Variants in MMEL1 observed in about 807,000 individuals in gnomAD.
MMEL1 encodes the protein membrane metallo-endopeptidase-like 1.
A neutral mutation model predicts 117.1 loss-of-function variants in MMEL1; 98 were observed. The ratio of observed to expected loss-of-function variants is 0.84; its 90% CI spans 0.71 to 0.99. MMEL1 has a LOEUF of 0.99. Among genes scored for constraint, MMEL1 ranks in the 50% least tolerant of loss-of-function variants. The probability of loss-of-function intolerance (pLI) is 0.00; values close to 1 mark genes in which losing one functional copy is unlikely to be tolerated. For synonymous variants in MMEL1, 390 were observed against 415.1 expected (o/e 0.94, Z 0.74); for missense variants, 1,014 against 1,049.1 (o/e 0.97, Z 0.46).
chr1:2,591,679 G>GTGGGGGGC, intron 22 of MMEL1, 46 bp from the exon 23 acceptor site: 1 of 852,386 alleles, frequency 1.2e-6, no homozygotes, highest in African/African-American at 1.7e-5. Flanking sequence ...TGGTGGGGTG[G>GTGGGGGGC]CCAGGAGGGG....
Position 2,598,215 on chromosome 1 carries a change from A to C in MMEL1, c.1264T>G (p.Tyr422Asp). The change falls in exon 13 of 24, where the codon TAC (tyrosine) becomes GAC (aspartate). Residue 422 changes from tyrosine to aspartate, a missense_variant. Transcript: ENST00000378412. ...GCAGGGAAGGGGCTCACCTTGCGGT[A>C]GTTCACTCGTGTGTCCTTGAATCTC... Reference protein sequence around the residue: ...SQRFKDTRVNYRKALFGTMVE... With the variant: ...SQRFKDTRVNDRKALFGTMVE... The C allele has an allele frequency of 6.2e-7, 1 of 1,613,894 alleles. No individual in the cohort carries two copies. The highest frequency in any genetic ancestry group is 8.5e-7 in the Non-Finnish European group (1 of 1,179,878).
chr1:2,592,114 T>G, intron 21 of MMEL1, 87 bp from the exon 22 acceptor site: 1 of 1,120,596 alleles, frequency 8.9e-7, no homozygotes, highest in Non-Finnish European at 1.3e-6. Flanking sequence ...GAGGTCTGGC[T>G]CCAGGACCTA....
At chr1:2,593,000 C>T in intron 19 of MMEL1, 34 bp from the exon 20 acceptor site, 1 of 1,608,224 alleles carries the variant, frequency 6.2e-7, no homozygotes. Flanking sequence ...GCCCACATGC[C>T]CCTGGCTGCA....
chr1:2,618,450 G>A (rs1235642121), intron 2 of MMEL1, among the ~76,000 whole-genome samples: 1 of 152,140 alleles, frequency 6.6e-6, no homozygotes, highest in African/African-American at 2.4e-5. Flanking sequence ...AACACAAATG[G>A]ACTAAAACAA....
chr1:2,629,514 G>T lies in MMEL1; in HGVS notation c.-30C>A. The T allele has an allele frequency of 6.9e-7, 1 of 1,441,562 alleles. No individual in the cohort carries two copies. Among genetic ancestry groups the T allele is most frequent in the Non-Finnish European group, 9.1e-7 (1 of 1,094,992 alleles). 89.3% of individuals were successfully genotyped at this position (1,441,562 alleles called of 1,614,324 possible). On this transcript the variant is annotated 5_prime_UTR_variant, in exon 2 of 24. Transcript: ENST00000378412. ...AGGGCTCTGGACGGGAGAGCACCGC[G>T]GAGGAACCTGCAGGCCCAGGGCAGG...
Position 2,593,887 on chromosome 1 carries a change from C to G in MMEL1, c.1794G>C (p.Gln598His), listed in dbSNP as rs1644786784. Residue 598 changes from glutamine (Q) to histidine (H), a missense_variant, in exon 19 of 24, where the codon CAG (glutamine) becomes CAC (histidine). Coordinates refer to ENST00000378412, the MANE Select transcript of MMEL1 (RefSeq NM_033467.4). ...ILQPPFFSKE[Q>H]PQALNFGGIG... ...TGCCTCCAAAGTTCAAGGCCTGTGG[C>G]TGCTCCTTGCTGAAGAAGGGGGGCT... 1 of 1,612,250 alleles carries G rather than the reference C, an allele frequency of 6.2e-7. No homozygotes were observed. The highest frequency in any genetic ancestry group is 8.5e-7 in the Non-Finnish European group (1 of 1,179,182).
intron 2 of MMEL1, among the ~76,000 whole-genome samples, chr1:2,624,553 C>T (rs1352686861): frequency 2.0e-5 from 3 of 152,222 alleles, no homozygotes; most frequent in African/African-American, 7.2e-5. Context: ...AAACACTATT[C>T]ATGAGGCTCC....
At chr1:2,603,997 C>T (rs373659220) in intron 10 of MMEL1, 24 bp from the exon 11 acceptor site, 93 of 1,611,836 alleles carry the variant, frequency 5.8e-5, no homozygotes, top group Non-Finnish European at 6.6e-5. Context: ...AGCAGTCACA[C>T]GGGCGGGTGG....
chr1:2,606,256 T>C lies in MMEL1; in HGVS notation c.742A>G (p.Ile248Val). 6.2e-7 allele frequency: 1 copy of C among 1,613,232 alleles called. No individual in the cohort carries two copies. Among genetic ancestry groups the C allele is most frequent in the Non-Finnish European group, 8.5e-7 (1 of 1,179,786 alleles). ...WNDDQNSSRH[I>V]IYIDQPTLGM... The stretch of plus-strand genomic sequence containing the variant: ...ACCGGCGCGGCTCGTACGTAGATGA[T>C]GTGCCGGCTGGAGTTCTGGTCGTCG... The change falls in exon 8 of 24, where the codon ATC becomes GTC. Residue 248 changes from isoleucine (I) to valine (V), a missense_variant. Physicochemically the swap from Ile to Val is conservative, Grantham distance 29 (BLOSUM62 3). Transcript: ENST00000378412.
intron 13 of MMEL1, 68 bp from the exon 14 acceptor site, chr1:2,596,757 G>A (rs1026539376): frequency 1.6e-5 from 25 of 1,584,920 alleles, no homozygotes; most frequent in Non-Finnish European, 2.1e-5. Flanking sequence ...GTGGGGCCCT[G>A]GGCTTACGGG....
chr1:2,597,096 A>T (rs1285230996), intron 13 of MMEL1, among the ~76,000 whole-genome samples: 1 of 152,092 alleles, frequency 6.6e-6, no homozygotes. Flanking sequence ...TGGTCTCTCC[A>T]TTGTTGAAGC....
chr1:2,615,923 G>A (rs1252837056), intron 2 of MMEL1, among the ~76,000 whole-genome samples: 1 of 152,148 alleles, frequency 6.6e-6, no homozygotes, highest in African/African-American at 2.4e-5. Flanking sequence ...ACCCCAAGAA[G>A]GGCAGTGTAT....
chr1:2,591,091 T>C lies in MMEL1; in HGVS notation c.2241-2A>G, dbSNP rs752315117. On this transcript the variant is annotated splice_acceptor_variant, in intron 23 of 23. Coordinates refer to ENST00000378412, the MANE Select transcript of MMEL1 (RefSeq NM_033467.4). LOFTEE classifies it high-confidence loss of function. ...AGGTTCTGCAGCGACCCCAGTACCC[T>C]GTGGGTGGGTGGGTGTGACAGCAGG... 2.6e-6 allele frequency: 4 copies of C among 1,567,862 alleles called. No homozygotes were observed. The highest frequency in any genetic ancestry group is 1.9e-5 in the Admixed American group (1 of 51,924).
Position 2,596,018 on chromosome 1 carries a change from C to T in MMEL1, c.1491G>A (p.Ala497=), listed in dbSNP as rs12406796. The change falls in exon 15 of 24, where the codon GCG becomes GCA. Residue 497 remains alanine (A), a synonymous_variant. Coordinates refer to ENST00000378412, the MANE Select transcript of MMEL1 (RefSeq NM_033467.4). ...TCTGCGAGCCACATACCTTCTCCTG[C>T]GCCTTCTTCTTGGACTCCTCGTCCA... The part of the protein sequence containing the change: ...GWMDEESKKK[A]QEKAMSIREQ... 2.1e-3 allele frequency: 3,309 copies of T among 1,613,748 alleles called. 89 individuals carry two copies. The Admixed American group carries it at 0.049, about 24-fold the overall frequency.
In MMEL1 at chr1:2,611,321, C is replaced by A; in HGVS notation, c.252G>T (p.Glu84Asp). ...RKPRGIPEAQEVSEVCTTPGC... is the reference protein window; with the variant it reads ...RKPRGIPEAQDVSEVCTTPGC... ...CAGGGGTGGTGCAGACCTCGCTCAC[C>A]TCTTGGGCCTCTGGGATCCCTGCGG... The change falls in exon 4 of 24, where the codon GAG (glutamate) becomes GAT (aspartate). Residue 84 changes from glutamate to aspartate, a missense_variant. Physicochemically the swap from Glu to Asp is conservative, Grantham distance 45. Transcript: ENST00000378412. 1 of 1,552,882 alleles carries A rather than the reference C, an allele frequency of 6.4e-7. No individual in the cohort carries two copies.
intron 16 of MMEL1, 59 bp from the exon 17 acceptor site, chr1:2,594,952 G>T (rs1309597648): frequency 1.4e-6 from 2 of 1,448,684 alleles, no homozygotes; most frequent in African/African-American, 2.8e-5. Context: ...AGGAGCAAGG[G>T]GAGAGGTCCT....
chr1:2,628,750 G>A (rs1638392256), intron 2 of MMEL1, among the ~76,000 whole-genome samples: 1 of 152,090 alleles, frequency 6.6e-6, no homozygotes, highest in African/African-American at 2.4e-5. Context: ...CGAGGTTCCA[G>A]CGAGCAGCCC....
Position 2,612,023 on chromosome 1 carries a change from G to A in MMEL1, c.232+104C>T, listed in dbSNP as rs1570691623. 2 of 996,308 alleles carry A rather than the reference G, an allele frequency of 2.0e-6. No homozygotes were observed. Among genetic ancestry groups the A allele is most frequent in the Admixed American group, 4.1e-5 (2 of 48,428 alleles). 61.7% of individuals were successfully genotyped at this position (996,308 alleles called of 1,614,324 possible). ...CCCATGGCCCTCCTCCGGCACATGA[G>A]GGTTGGGCAGAACCCAGCCCCTGCC... On this transcript the variant is annotated intron_variant, in intron 3 of 23. Coordinates refer to ENST00000378412, the MANE Select transcript of MMEL1 (RefSeq NM_033467.4). This position sits in a 1 kb window ranked among gnomAD's most constrained non-coding sequence, Gnocchi z 5.4.
chr1:2,598,573 G>T, intron 12 of MMEL1, 81 bp downstream of exon 12: 5 of 1,587,472 alleles, frequency 3.1e-6, no homozygotes. Flanking sequence ...GTCCCCTCCT[G>T]GGAGCAGAAG....
Sources: allele counts gnomAD v4.1 joint callset (sites outside exome capture counted in the v4.1 genomes callset), GRCh38; gene constraint gnomAD v4.1.1; non-coding constraint Gnocchi (gnomAD v3.1); transcripts MANE v1.5; gene names NCBI Gene and HGNC (gene_info 2026-07-23, HGNC 2026-07-21).